Variants in LHCGR observed in about 807,000 individuals in gnomAD.
LHCGR encodes luteinizing hormone/choriogonadotropin receptor.
Under a neutral mutation model 60.7 loss-of-function variants are expected in LHCGR, and 55 were observed. That is an observed-to-expected ratio of 0.91 (90% CI 0.73 to 1.13). LHCGR has a LOEUF of 1.13. Ranked by LOEUF, LHCGR falls within the 50% of genes most tolerant of loss-of-function variation. The probability of loss-of-function intolerance (pLI) is 0.00; values close to 1 mark genes in which losing one functional copy is unlikely to be tolerated. For synonymous variants in LHCGR, 337 were observed against 316.5 expected (o/e 1.06, Z -0.69); for missense variants, 862 against 836.0 (o/e 1.03, Z -0.38).
chr2:48,719,705 G>A (rs1028686096), intron 6 of LHCGR, among the ~76,000 whole-genome samples: 1 of 152,172 alleles, frequency 6.6e-6, no homozygotes, highest in African/African-American at 2.4e-5. Flanking sequence ...CAAGTGAAGT[G>A]TTTTGTTTTC....
In LHCGR at chr2:48,686,777, T is replaced by C. The variant is rs1370484534; in HGVS notation, c.*920A>G. ...GGATAGAAATGATGAAACTTAATTA[T>C]TTTTAAATATTTAAACATTTTATTT... is the stretch of plus-strand genomic sequence containing the variant. On this transcript the variant is annotated 3_prime_UTR_variant, in exon 11 of 11. Transcript: ENST00000294954. The C allele has an allele frequency of 1.3e-5, 2 of 152,202 alleles. No individual in the cohort carries two copies. The highest frequency in any genetic ancestry group is 2.9e-5 in the Non-Finnish European group (2 of 68,030). The allele number at this position is 152,202 out of a possible 1,614,324, so 9.4% of individuals were successfully genotyped here. A position where few individuals can be genotyped will look rare whatever the true frequency, so the allele number is the denominator to read the frequency against.
intron 1 of LHCGR, among the ~76,000 whole-genome samples, chr2:48,738,224 A>G (rs1254035881): frequency 1.3e-5 from 2 of 151,868 alleles, no homozygotes; most frequent in Non-Finnish European, 2.9e-5. Flanking sequence ...TAATTACTAC[A>G]CTATTTTTTT....
At position 48,738,546 on chromosome 2, in the gene LHCGR, T is replaced by C. The variant is rs908114666; in HGVS notation, c.162-7248A>G. Among the ~76,000 whole-genome samples the C allele has an allele frequency of 2.5e-4, 38 of 152,212 alleles. 1 individual carries two copies. Among genetic ancestry groups the C allele is most frequent in the African/African-American group, 9.2e-4 (38 of 41,462 alleles). ...TTGCCACCCCCTCAGCCAACCTATCTACAAATGTCTCAGCCTGGCATTCAA... is the reference window on the plus strand; with the variant it reads ...TTGCCACCCCCTCAGCCAACCTATCCACAAATGTCTCAGCCTGGCATTCAA... On this transcript the variant is annotated intron_variant, in intron 1 of 10. Coordinates refer to ENST00000294954, the MANE Select transcript of LHCGR (RefSeq NM_000233.4).
rs568627542 is a variant in LHCGR at position 48,711,645 on chromosome 2, A to T, written c.605+2341T>A. ...CTGTTTTTCCTGACCTCACACAGACATACTGTGTTGGTTTTTCTCCCGTCT... is the reference window on the plus strand; with the variant it reads ...CTGTTTTTCCTGACCTCACACAGACTTACTGTGTTGGTTTTTCTCCCGTCT... On this transcript the variant is annotated intron_variant, in intron 7 of 10. Transcript: ENST00000294954. 3.3e-5 allele frequency among the ~76,000 whole-genome samples: 5 copies of T among 152,282 alleles called. No homozygotes were observed. In the East Asian group the frequency reaches 9.6e-4, roughly 29 times the overall value.
chr2:48,694,349 C>A (rs1195043135), intron 9 of LHCGR, 45 bp from the exon 10 acceptor site: 1 of 1,160,122 alleles, frequency 8.6e-7, no homozygotes, highest in African/African-American at 1.5e-5. Context: ...TTTTGGACTT[C>A]AGGCTAAACC....
At position 48,687,845 on chromosome 2, in the gene LHCGR, T is replaced by G. The variant is rs1679975279; in HGVS notation, c.1952A>C (p.Tyr651Ser). ...GTAAGCTGAAAAATCTTTCCTTCTATAAAGTTCAGCCCGACGTTTACAGCA... is the reference window on the plus strand; with the variant it reads ...GTAAGCTGAAAAATCTTTCCTTCTAGAAAGTTCAGCCCGACGTTTACAGCA... ...FGCCKRRAEL[Y>S]RRKDFSAYTS... The change falls in exon 11 of 11, where the codon TAT becomes TCT. Residue 651 changes from tyrosine (Y) to serine (S), a missense_variant. Transcript: ENST00000294954. 6.2e-7 allele frequency: 1 copy of G among 1,614,146 alleles called. No homozygotes were observed. The highest frequency in any genetic ancestry group is 2.2e-5 in the East Asian group (1 of 44,876).
chr2:48,737,940 A>G (rs1669271951), intron 1 of LHCGR, among the ~76,000 whole-genome samples: 1 of 152,196 alleles, frequency 6.6e-6, no homozygotes, highest in South Asian at 2.1e-4. Flanking sequence ...TCAGAGGCAG[A>G]TCTGGACTAA....
At chr2:48,716,358 C>T (rs1668250404) in intron 6 of LHCGR, among the ~76,000 whole-genome samples, 3 of 152,180 alleles carry the variant, frequency 2.0e-5, no homozygotes, top group South Asian at 2.1e-4. Context: ...ATTTGGTCAT[C>T]CCATTCATTT....
At chr2:48,719,627 T>G (rs1668417110) in intron 6 of LHCGR, among the ~76,000 whole-genome samples, 1 of 152,156 alleles carries the variant, frequency 6.6e-6, no homozygotes, top group Non-Finnish European at 1.5e-5. Flanking sequence ...ACAACCAAAG[T>G]GGCTATAAAG....
chr2:48,724,941 A>C (rs1216015423), intron 4 of LHCGR, among the ~76,000 whole-genome samples: 2 of 152,128 alleles, frequency 1.3e-5, no homozygotes, highest in East Asian at 3.9e-4. Context: ...TGGGCTTTAC[A>C]TTCTCTGAGG....
intron 10 of LHCGR, among the ~76,000 whole-genome samples, chr2:48,693,456 C>T (rs981711226): frequency 1.3e-5 from 2 of 152,162 alleles, no homozygotes; most frequent in African/African-American, 2.4e-5. Context: ...CCGTACCAAC[C>T]TGAAGCATCT....
At chr2:48,721,398 T>G (rs1056150217) in intron 6 of LHCGR, 2 of 236,788 alleles carry the variant, frequency 8.4e-6, no homozygotes, top group African/African-American at 4.5e-5. Flanking sequence ...TGTTGAGAAA[T>G]ATTTCTAGGA....
intron 8 of LHCGR, among the ~76,000 whole-genome samples, chr2:48,702,695 C>T (rs1335364139): frequency 6.6e-6 from 1 of 152,164 alleles, no homozygotes; most frequent in African/African-American, 2.4e-5. Flanking sequence ...CAAGTCTTTG[C>T]TATTGTGAAT....
At chr2:48,738,113 G>C (rs1038542670) in intron 1 of LHCGR, among the ~76,000 whole-genome samples, 2 of 152,172 alleles carry the variant, frequency 1.3e-5, no homozygotes, top group African/African-American at 4.8e-5. Flanking sequence ...GCTTCTTGAG[G>C]ACATAGCTCA....
chr2:48,754,398 A>G (rs981459463), intron 1 of LHCGR, among the ~76,000 whole-genome samples: 6 of 152,030 alleles, frequency 3.9e-5, no homozygotes, highest in African/African-American at 1.2e-4. Context: ...TTGTTAGGAC[A>G]TGATCAAGAC....
In LHCGR at chr2:48,731,055, C is replaced by T. The variant is rs531226436; in HGVS notation, c.233+172G>A. Among the ~76,000 whole-genome samples the T allele has an allele frequency of 9.5e-4, 145 of 152,114 alleles. 3 individuals are homozygous for T. The highest frequency in any genetic ancestry group is 3.4e-3 in the African/African-American group (140 of 41,512). On this transcript the variant is annotated intron_variant, in intron 2 of 10. Coordinates refer to ENST00000294954, the MANE Select transcript of LHCGR (RefSeq NM_000233.4). ...TTTTAATGACTCTTAAAAATCATAC[C>T]TTTTCTTCAAAGGTCTCTAGTTATT...
chr2:48,755,077 C>T (rs1239087027), intron 1 of LHCGR, among the ~76,000 whole-genome samples: 3 of 152,096 alleles, frequency 2.0e-5, no homozygotes, highest in African/African-American at 7.2e-5. Flanking sequence ...GCACTCCATT[C>T]CTAGAGGACC....
intron 8 of LHCGR, among the ~76,000 whole-genome samples, chr2:48,703,535 C>A (rs752761473): frequency 7.2e-5 from 11 of 151,740 alleles, no homozygotes; most frequent in Non-Finnish European, 1.2e-4. Flanking sequence ...TGGGGAATGC[C>A]ATTTGTTTGT....
intron 1 of LHCGR, among the ~76,000 whole-genome samples, chr2:48,751,683 G>C (rs1005497526): frequency 6.6e-6 from 1 of 152,294 alleles, no homozygotes; most frequent in African/African-American, 2.4e-5. Context: ...CTCAAGAAAG[G>C]TGTCAGGAAA....
Sources: gnomAD v4.1 joint callset for allele counts (sites outside exome capture counted in the v4.1 genomes callset) on GRCh38, gnomAD v4.1.1 for gene constraint, MANE v1.5 for transcripts, NCBI Gene and HGNC (gene_info 2026-07-23, HGNC 2026-07-21) for gene names.